Variants in EGR2 observed in about 807,000 individuals in gnomAD.
The protein encoded by EGR2 is E3 SUMO-protein ligase EGR2.
A neutral mutation model predicts 21.2 loss-of-function variants in EGR2; 2 were observed. That is an observed-to-expected ratio of 0.09 (90% CI 0.04 to 0.30). EGR2 has a LOEUF of 0.30. Among genes scored for constraint, EGR2 ranks in the 10% least tolerant of loss-of-function variants. The pLI is 1.00. For missense variants in EGR2, 458 were observed against 630.2 expected (o/e 0.73, Z 2.93); for synonymous variants, 282 against 258.2 (o/e 1.09, Z -0.88).
chr10:62,813,993 C>G lies in EGR2; in HGVS notation c.645G>C (p.Thr215=), dbSNP rs781408172. 51 of 1,613,936 alleles carry G rather than the reference C, an allele frequency of 3.2e-5. No individual in the cohort carries two copies. Among genetic ancestry groups the G allele is most frequent in the Non-Finnish European group, 4.3e-5 (51 of 1,180,012 alleles). The change falls in exon 2 of 2, where the codon ACG becomes ACC. Residue 215 remains threonine, a synonymous_variant. Coordinates refer to ENST00000242480, the MANE Select transcript of EGR2 (RefSeq NM_000399.5). The surrounding 1 kb of genome is among the most constrained non-coding windows in gnomAD (Gnocchi z 5.7). ...GGATCATTGGGAAGAGACCTGGGTCCGTGGCTGGCTTGGGGGATGGATAGG... is the reference window on the plus strand; with the variant it reads ...GGATCATTGGGAAGAGACCTGGGTCGGTGGCTGGCTTGGGGGATGGATAGG... ...PPSYPSPKPA[T]DPGLFPMIPD...
Position 62,814,567 on chromosome 10 carries a change from G to A in EGR2, c.170-99C>T. The A allele has an allele frequency of 1.7e-6, 2 of 1,192,460 alleles. 1 individual carries two copies. The highest frequency in any genetic ancestry group is 2.5e-5 in the South Asian group (2 of 80,258). 73.9% of individuals were successfully genotyped at this position (1,192,460 alleles called of 1,614,324 possible). On this transcript the variant is annotated intron_variant, in intron 1 of 1. Transcript: ENST00000242480. The surrounding 1 kb of genome is among the most constrained non-coding windows in gnomAD (Gnocchi z 4.8). ...CATAGGTCCATTTCCAAGGCCGAGA[G>A]TCTCAGCACTGTAGAGCTGTGGCAA...
In EGR2 at chr10:62,813,711, G is replaced by A; in HGVS notation, c.927C>T (p.Ala309=). Residue 309 remains alanine, a synonymous_variant, in exon 2 of 2, where the codon GCC becomes GCT. Transcript: ENST00000242480. The surrounding 1 kb of genome is among the most constrained non-coding windows in gnomAD (Gnocchi z 5.7). The part of the protein sequence containing the change: ...SAAAAAAAAA[A]YNPHHLPLRP... The stretch of plus-strand genomic sequence containing the variant: ...GCAGTGGCAGGTGGTGTGGGTTATA[G>A]GCGGCGGCGGCGGCGGCTGCTGCTG... 6.2e-7 allele frequency: 1 copy of A among 1,608,154 alleles called. No individual in the cohort carries two copies. Among genetic ancestry groups the A allele is most frequent in the Non-Finnish European group, 8.5e-7 (1 of 1,178,368 alleles).
rs1589080827 is a variant in EGR2 at position 62,813,722 on chromosome 10, C to T, written c.916G>A (p.Ala306Thr). ...TGGTGTGGGTTATAGGCGGCGGCGGCGGCGGCTGCTGCTGCTGCTGAGCTG... is the reference window on the plus strand; with the variant it reads ...TGGTGTGGGTTATAGGCGGCGGCGGTGGCGGCTGCTGCTGCTGCTGAGCTG... ...GSSSAAAAAA[A>T]AAAYNPHHLP... Residue 306 changes from alanine (A) to threonine (T), a missense_variant, in exon 2 of 2, where the codon GCC becomes ACC. By Grantham distance (58) the Ala-to-Thr change is moderately conservative. Coordinates refer to ENST00000242480, the MANE Select transcript of EGR2 (RefSeq NM_000399.5). The surrounding 1 kb of genome is among the most constrained non-coding windows in gnomAD (Gnocchi z 5.7). 1.2e-6 allele frequency: 2 copies of T among 1,611,132 alleles called. No homozygotes were observed. Among genetic ancestry groups the T allele is most frequent in the Non-Finnish European group, 8.5e-7 (1 of 1,179,478 alleles).
Position 62,813,221 on chromosome 10 carries a change from T to C in EGR2, c.1417A>G (p.Thr473Ala). 6.4e-7 allele frequency: 1 copy of C among 1,568,644 alleles called. No individual in the cohort carries two copies. Among genetic ancestry groups the C allele is most frequent in the Non-Finnish European group, 8.6e-7 (1 of 1,160,644 alleles). The change falls in exon 2 of 2, where the codon ACC becomes GCC. Residue 473 changes from threonine (T) to alanine (A), a missense_variant. Coordinates refer to ENST00000242480, the MANE Select transcript of EGR2 (RefSeq NM_000399.5). This position sits in a 1 kb window ranked among gnomAD's most constrained non-coding sequence, Gnocchi z 5.7. ...TGAGTCTCATCTCAAGGTGTCCGGGTCCGAGAGGAGCAAGGGGCGAGCGGC... is the reference window on the plus strand; with the variant it reads ...TGAGTCTCATCTCAAGGTGTCCGGGCCCGAGAGGAGCAAGGGGCGAGCGGC... ...GGPLAPCSSR[T>A]RTP is the part of the protein sequence containing the mutation.
chr10:62,816,327 C>T lies in EGR2; in HGVS notation c.-298G>A, dbSNP rs1278451432. 6 of 1,274,858 alleles carry T rather than the reference C, an allele frequency of 4.7e-6. No individual in the cohort carries two copies. Among genetic ancestry groups the T allele is most frequent in the Non-Finnish European group, 6.0e-6 (6 of 999,088 alleles). The allele number at this position is 1,274,858 out of a possible 1,614,324, so 79.0% of individuals were successfully genotyped here. A position where few individuals can be genotyped will look rare whatever the true frequency, so the allele number is the denominator to read the frequency against. On this transcript the variant is annotated 5_prime_UTR_variant, in exon 1 of 2. Coordinates refer to ENST00000242480, the MANE Select transcript of EGR2 (RefSeq NM_000399.5). Reference sequence around the variant, plus strand: ...AGTGTTATTATAACAGTCAGTGAGTCCCCTCGCCGAGCTATTAATCAATTG... The same window carrying T: ...AGTGTTATTATAACAGTCAGTGAGTTCCCTCGCCGAGCTATTAATCAATTG...
Position 62,813,704 on chromosome 10 carries a change from G to T in EGR2, c.934C>A (p.Pro312Thr). The change falls in exon 2 of 2, where the codon CCA becomes ACA. Residue 312 changes from proline to threonine, a missense_variant. Coordinates refer to ENST00000242480, the MANE Select transcript of EGR2 (RefSeq NM_000399.5). This position sits in a 1 kb window ranked among gnomAD's most constrained non-coding sequence, Gnocchi z 5.7. ...ATGGGCCGCAGTGGCAGGTGGTGTG[G>T]GTTATAGGCGGCGGCGGCGGCGGCT... ...AAAAAAAAYN[P>T]HHLPLRPILR... is the part of the protein sequence containing the mutation. The T allele has an allele frequency of 6.2e-7, 1 of 1,612,788 alleles. No individual in the cohort carries two copies. Among genetic ancestry groups the T allele is most frequent in the Non-Finnish European group, 8.5e-7 (1 of 1,179,820 alleles).
In EGR2 at chr10:62,816,149, A is replaced by G. The variant is rs1486288512; in HGVS notation, c.-120T>C. 1 of 1,598,374 alleles carries G rather than the reference A, an allele frequency of 6.3e-7. No individual in the cohort carries two copies. The highest frequency in any genetic ancestry group is 8.5e-7 in the Non-Finnish European group (1 of 1,171,938). ...ATCTCCTTTTGCCCTCCACACTTAAAAACAACCACCACACACACCAAGAAA... is the reference window on the plus strand; with the variant it reads ...ATCTCCTTTTGCCCTCCACACTTAAGAACAACCACCACACACACCAAGAAA... On this transcript the variant is annotated 5_prime_UTR_variant, in exon 1 of 2. Coordinates refer to ENST00000242480, the MANE Select transcript of EGR2 (RefSeq NM_000399.5).
chr10:62,813,131 G>A lies in EGR2; in HGVS notation c.*76C>T. 9 of 1,442,170 alleles carry A rather than the reference G, an allele frequency of 6.2e-6. No individual in the cohort carries two copies. In the South Asian group the frequency reaches 1.2e-4, roughly 20 times the overall value. The allele number at this position is 1,442,170 out of a possible 1,614,324, so 89.3% of individuals were successfully genotyped here. ...GAGAGAGGGACAGGAAAGGGTGGTA[G>A]TGTTTGTTGTGCAGCTCCAGTGGAC... On this transcript the variant is annotated 3_prime_UTR_variant, in exon 2 of 2. Coordinates refer to ENST00000242480, the MANE Select transcript of EGR2 (RefSeq NM_000399.5). The surrounding 1 kb of genome is among the most constrained non-coding windows in gnomAD (Gnocchi z 5.7).
Position 62,813,405 on chromosome 10 carries a change from A to G in EGR2, c.1233T>C (p.Asp411=). The part of the protein sequence containing the change: ...DYCGRKFARS[D]ERKRHTKIHL... ...GGATCTTGGTGTGGCGCTTCCTCTC[A>G]TCACTCCGGGCAAACTTTCGGCCAC... is the stretch of plus-strand genomic sequence containing the variant. The change falls in exon 2 of 2, where the codon GAT becomes GAC. Residue 411 remains aspartate, a synonymous_variant. Transcript: ENST00000242480. This position sits in a 1 kb window ranked among gnomAD's most constrained non-coding sequence, Gnocchi z 5.7. 6.2e-7 allele frequency: 1 copy of G among 1,613,324 alleles called. No homozygotes were observed. The highest frequency in any genetic ancestry group is 8.5e-7 in the Non-Finnish European group (1 of 1,179,470).
Position 62,813,324 on chromosome 10 carries a change from G to A in EGR2, c.1314C>T (p.Pro438=). 6.3e-7 allele frequency: 1 copy of A among 1,585,556 alleles called. No homozygotes were observed. Among genetic ancestry groups the A allele is most frequent in the Non-Finnish European group, 8.6e-7 (1 of 1,163,048 alleles). Residue 438 remains proline, a synonymous_variant, in exon 2 of 2, where the codon CCC becomes CCT. Transcript: ENST00000242480. The surrounding 1 kb of genome is among the most constrained non-coding windows in gnomAD (Gnocchi z 5.7). The part of the protein sequence containing the change: ...SSAPSASVPA[P]STASCSGGVQ... The stretch of plus-strand genomic sequence containing the variant: ...CGCCCCCAGAGCAGGAGGCTGTAGA[G>A]GGGGCTGGCACCGATGCAGAGGGGG...
chr10:62,818,536 C>A, upstream of EGR2: 1 of 1,236,536 alleles, frequency 8.1e-7, no homozygotes. Flanking sequence ...TAGCTGCGTT[C>A]TTACCACGTG....
Position 62,814,446 on chromosome 10 carries a change from C to T in EGR2, c.192G>A (p.Met64Ile), listed in dbSNP as rs146631014. ...GATCCAACGACCTCTTCTCTCCAGT[C>T]ATGTCAATGTTGATCATGCCATCTG... ...VAGDGMINID[M>I]TGEKRSLDLP... Residue 64 changes from methionine to isoleucine, a missense_variant, in exon 2 of 2, where the codon ATG becomes ATA. Met to Ile is a conservative substitution (Grantham distance 10). This residue lies in a region of EGR2 where 91 missense variants were observed against 105.2 expected (regional missense o/e 0.87). Coordinates refer to ENST00000242480, the MANE Select transcript of EGR2 (RefSeq NM_000399.5). This position sits in a 1 kb window ranked among gnomAD's most constrained non-coding sequence, Gnocchi z 4.8. 1.2e-6 allele frequency: 2 copies of T among 1,613,990 alleles called. No individual in the cohort carries two copies. The highest frequency in any genetic ancestry group is 1.7e-6 in the Non-Finnish European group (2 of 1,179,986).
rs762505978 is a variant in EGR2 at position 62,814,099 on chromosome 10, T to A, written c.539A>T (p.Asp180Val). The A allele has an allele frequency of 6.2e-7, 1 of 1,612,970 alleles. No homozygotes were observed. Among genetic ancestry groups the A allele is most frequent in the Non-Finnish European group, 8.5e-7 (1 of 1,179,616 alleles). ...PPPPYSGCAGDLYQDPSAFLS... is the reference protein window; with the variant it reads ...PPPPYSGCAGVLYQDPSAFLS... Reference sequence around the variant, plus strand: ...GAACGCAGAAGGGTCCTGGTAGAGGTCTCCTGCACAGCCAGAATAAGGAGG... The same window carrying A: ...GAACGCAGAAGGGTCCTGGTAGAGGACTCCTGCACAGCCAGAATAAGGAGG... Residue 180 changes from aspartate (D) to valine (V), a missense_variant, in exon 2 of 2, where the codon GAC (aspartate) becomes GTC (valine). Physicochemically the swap from Asp to Val is radical, Grantham distance 152. This residue lies in a region of EGR2 where 253 missense variants were observed against 315.5 expected (regional missense o/e 0.80). Coordinates refer to ENST00000242480, the MANE Select transcript of EGR2 (RefSeq NM_000399.5). This position sits in a 1 kb window ranked among gnomAD's most constrained non-coding sequence, Gnocchi z 4.8.
chr10:62,818,453 AC>A (rs1360674466), upstream of EGR2: 9 of 640,136 alleles, frequency 1.4e-5, no homozygotes, highest in African/African-American at 5.9e-5. Flanking sequence ...CCTAGTAGAT[AC>A]CCCACCCCAG....
chr10:62,814,882 G>C lies in EGR2; in HGVS notation c.170-414C>G, dbSNP rs1342555463. ...CCAAGACAAACACCACCCAAGAATC[G>C]ACCTATCCCAGTCAGTGCCGTGATG... On this transcript the variant is annotated intron_variant, in intron 1 of 1. Coordinates refer to ENST00000242480, the MANE Select transcript of EGR2 (RefSeq NM_000399.5). This position sits in a 1 kb window ranked among gnomAD's most constrained non-coding sequence, Gnocchi z 4.8. Among the ~76,000 whole-genome samples, 1 of 152,138 alleles carries C rather than the reference G, an allele frequency of 6.6e-6. No individual in the cohort carries two copies. The highest frequency in any genetic ancestry group is 1.5e-5 in the Non-Finnish European group (1 of 68,018).
In EGR2 at chr10:62,814,362, G is replaced by A; in HGVS notation, c.276C>T (p.Tyr92=). 6.2e-7 allele frequency: 1 copy of A among 1,614,160 alleles called. No homozygotes were observed. The highest frequency in any genetic ancestry group is 8.5e-7 in the Non-Finnish European group (1 of 1,180,020). ...GAGGGTCAATGGAGAACTTGCCCAT[G>A]TAAGTGAAGGTCTGGTTTCTAGGTG... ...VSAPRNQTFT[Y]MGKFSIDPQY... The change falls in exon 2 of 2, where the codon TAC becomes TAT. Residue 92 remains tyrosine, a synonymous_variant. Coordinates refer to ENST00000242480, the MANE Select transcript of EGR2 (RefSeq NM_000399.5). The surrounding 1 kb of genome is among the most constrained non-coding windows in gnomAD (Gnocchi z 4.8).
chr10:62,818,073 A>G (rs979620024), upstream of EGR2, among the ~76,000 whole-genome samples: 1 of 152,222 alleles, frequency 6.6e-6, no homozygotes, highest in African/African-American at 2.4e-5. Context: ...CCGGGCCCGG[A>G]GCGGCCCTAG....
upstream of EGR2, among the ~76,000 whole-genome samples, chr10:62,817,948 T>C (rs1838292863): frequency 6.6e-6 from 1 of 151,884 alleles, no homozygotes; most frequent in African/African-American, 2.4e-5. This position sits in a 1 kb window ranked among gnomAD's most constrained non-coding sequence, Gnocchi z 4.4. Flanking sequence ...GACTCATTCA[T>C]GGTCGTTTGT....
rs775350294 is a variant in EGR2 at position 62,814,029 on chromosome 10, T to G, written c.609A>C (p.Pro203=). Residue 203 remains proline (P), a synonymous_variant, in exon 2 of 2, where the codon CCA becomes CCC. Transcript: ENST00000242480. This position sits in a 1 kb window ranked among gnomAD's most constrained non-coding sequence, Gnocchi z 4.8. ...TTSTSSSLAY[P]PPPSYPSPKP... ...TGGGGGATGGATAGGAAGGAGGTGG[T>G]GGGTAGGCCAGAGAGGAAGAGGTGG... 6.2e-7 allele frequency: 1 copy of G among 1,613,846 alleles called. No homozygotes were observed. The highest frequency in any genetic ancestry group is 8.5e-7 in the Non-Finnish European group (1 of 1,179,938).
Sources: gnomAD v4.1 joint callset for allele counts (sites outside exome capture counted in the v4.1 genomes callset) on GRCh38, gnomAD v4.1.1 for gene constraint, gnomAD v4.1.1 regional missense constraint, Gnocchi (gnomAD v3.1) non-coding constraint, MANE v1.5 for transcripts, NCBI Gene and HGNC (gene_info 2026-07-23, HGNC 2026-07-21) for gene names.